SHC4: variants seen among roughly 807,000 people sequenced by gnomAD.
The protein encoded by SHC4 is SHC adaptor protein 4, also known as SHC-transforming protein 4.
In SHC4, 41 loss-of-function variants were observed where a neutral mutation model predicts 69.4. That is an observed-to-expected ratio of 0.59 (90% CI 0.46 to 0.77). The LOEUF is 0.77. SHC4 is among the 30% of genes least tolerant of loss of function. The pLI is 0.00. For missense variants in SHC4, 777 were observed against 783.8 expected (o/e 0.99, Z 0.10); for synonymous variants, 318 against 299.3 (o/e 1.06, Z -0.64).
In SHC4 at chr15:48,857,771, T is replaced by G; in HGVS notation, c.991A>C (p.Ile331Leu). 2 of 1,605,502 alleles carry G rather than the reference T, an allele frequency of 1.2e-6. No homozygotes were observed. Among genetic ancestry groups the G allele is most frequent in the Non-Finnish European group, 1.7e-6 (2 of 1,174,786 alleles). The change falls in exon 7 of 12, where the codon ATA becomes CTA. Residue 331 changes from isoleucine (I) to leucine (L), a missense_variant. By Grantham distance (5) the Ile-to-Leu change is conservative (BLOSUM62 2). Transcript: ENST00000332408. ...TCAAAAGCCTGCCCTATGGTACTTATGACGTCTTGGGCCATTCCATTGTGG... is the reference window on the plus strand; with the variant it reads ...TCAAAAGCCTGCCCTATGGTACTTAGGACGTCTTGGGCCATTCCATTGTGG... ...ECHNGMAQDV[I>L]STIGQAFELR... is the part of the protein sequence containing the mutation.
intron 6 of SHC4, among the ~76,000 whole-genome samples, chr15:48,864,447 T>C (rs796503400): frequency 3.6e-4 from 46 of 129,260 alleles, no homozygotes; most frequent in African/African-American, 9.6e-4. Context: ...TTTTTTTTTT[T>C]TTTTTTTTTT....
chr15:48,955,566 G>A (rs1332748850), intron 1 of SHC4, among the ~76,000 whole-genome samples: 1 of 152,100 alleles, frequency 6.6e-6, no homozygotes, highest in Admixed American at 6.5e-5. Context: ...ACAAGTCCTG[G>A]CCCAACATGG....
intron 4 of SHC4, chr15:48,878,598 C>T: frequency 6.2e-7 from 1 of 1,614,084 alleles, no homozygotes; most frequent in Non-Finnish European, 8.5e-7. Flanking sequence ...ACAAGAGAAC[C>T]AGCCCTGGAT....
At chr15:48,945,464 C>T (rs1901258975) in intron 1 of SHC4, among the ~76,000 whole-genome samples, 1 of 152,150 alleles carries the variant, frequency 6.6e-6, no homozygotes. Context: ...GTAGAGACAA[C>T]CCGAAGGTCC....
At position 48,834,794 on chromosome 15, in the gene SHC4, A is replaced by G. The variant is rs899269908; in HGVS notation, c.1712T>C (p.Leu571Pro). 6.2e-7 allele frequency: 1 copy of G among 1,614,034 alleles called. No homozygotes were observed. The highest frequency in any genetic ancestry group is 8.5e-7 in the Non-Finnish European group (1 of 1,180,012). Reference protein sequence around the residue: ...SGLQGGQAKHLLLVDPEGKVR... With the variant: ...SGLQGGQAKHPLLVDPEGKVR... ...CTTGCCTTCAGGATCCACCAGGAGAAGATGTTTTGCTTGGCCTCCCTGTAG... is the reference window on the plus strand; with the variant it reads ...CTTGCCTTCAGGATCCACCAGGAGAGGATGTTTTGCTTGGCCTCCCTGTAG... The change falls in exon 11 of 12, where the codon CTT becomes CCT. Residue 571 changes from leucine (L) to proline (P), a missense_variant. By Grantham distance (98) the Leu-to-Pro change is moderately conservative. Transcript: ENST00000332408.
intron 1 of SHC4, among the ~76,000 whole-genome samples, chr15:48,954,634 C>T (rs1901413728): frequency 6.6e-6 from 1 of 152,214 alleles, no homozygotes; most frequent in Non-Finnish European, 1.5e-5. Flanking sequence ...GGCAGGCAGG[C>T]CCTCCCTGGT....
intron 8 of SHC4, among the ~76,000 whole-genome samples, chr15:48,853,382 A>G (rs963141567): frequency 6.6e-6 from 1 of 152,254 alleles, no homozygotes; most frequent in African/African-American, 2.4e-5. Context: ...GGAAGAATCA[A>G]TATCATAAAA....
chr15:48,948,125 G>T (rs961830802), intron 1 of SHC4: 3 of 152,214 alleles, frequency 2.0e-5, no homozygotes, highest in African/African-American at 7.2e-5. Flanking sequence ...ATTCCTAGCT[G>T]TGTTTTTTAT....
intron 4 of SHC4, chr15:48,878,225 C>T (rs771216755): frequency 3.3e-5 from 53 of 1,604,656 alleles, no homozygotes; most frequent in Non-Finnish European, 4.0e-5. Flanking sequence ...GAGCAGTGAC[C>T]TGCAGATGGA....
Position 48,947,874 on chromosome 15 carries a change from A to G in SHC4, c.585+14557T>C, listed in dbSNP as rs577913162. The G allele has an allele frequency of 1.4e-4, 22 of 152,378 alleles. No homozygotes were observed. The South Asian group carries it at 4.6e-3, about 32-fold the overall frequency. The allele number at this position is 152,378 out of a possible 1,614,324, so 9.4% of individuals were successfully genotyped here. ...CTCTAGAAGATTGATGTTGTTATCAATAAAAACAAAAATCAAGGCATCTTC... is the reference window on the plus strand; with the variant it reads ...CTCTAGAAGATTGATGTTGTTATCAGTAAAAACAAAAATCAAGGCATCTTC... On this transcript the variant is annotated intron_variant, in intron 1 of 11. Transcript: ENST00000332408.
chr15:48,924,168 C>G (rs1162183839), intron 2 of SHC4, among the ~76,000 whole-genome samples: 2 of 152,168 alleles, frequency 1.3e-5, no homozygotes, highest in African/African-American at 4.8e-5. Context: ...GCACCACATC[C>G]AATGGATGCC....
At chr15:48,942,772 A>G (rs985762534) in intron 1 of SHC4, among the ~76,000 whole-genome samples, 6 of 152,202 alleles carry the variant, frequency 3.9e-5, no homozygotes, top group African/African-American at 1.4e-4. Context: ...GTTATAGCTA[A>G]TAAGAAGTGT....
intron 1 of SHC4, among the ~76,000 whole-genome samples, chr15:48,926,197 C>T (rs1900850420): frequency 6.6e-6 from 1 of 152,074 alleles, no homozygotes; most frequent in Admixed American, 6.6e-5. Context: ...CCAGGTGAGG[C>T]TGTGAGAGTC....
chr15:48,961,003 T>C (rs1399436095), intron 1 of SHC4, among the ~76,000 whole-genome samples: 1 of 152,200 alleles, frequency 6.6e-6, no homozygotes, highest in Non-Finnish European at 1.5e-5. Flanking sequence ...AGTTATATTA[T>C]GATTTGAAAT....
At chr15:48,852,139 T>C (rs1458411876) in intron 8 of SHC4, among the ~76,000 whole-genome samples, 2 of 152,152 alleles carry the variant, frequency 1.3e-5, no homozygotes, top group Admixed American at 6.5e-5. Flanking sequence ...TGTAGTGCAA[T>C]GTGGCATTAC....
intron 2 of SHC4, among the ~76,000 whole-genome samples, chr15:48,892,976 T>C (rs1159381375): frequency 2.0e-5 from 3 of 152,116 alleles, no homozygotes; most frequent in Non-Finnish European, 4.4e-5. Context: ...ATAACAATAA[T>C]TATATGCCAA....
chr15:48,962,649 G>A lies in SHC4; in HGVS notation c.367C>T (p.Arg123Trp), dbSNP rs200520669. 1.2e-6 allele frequency: 2 copies of A among 1,614,194 alleles called. No individual in the cohort carries two copies. Among genetic ancestry groups the A allele is most frequent in the East Asian group, 4.5e-5 (2 of 44,874 alleles). ...EVPRLKLQES[R>W]DPGSSGPSSP... ...GAGGGGCCGCTGGAACCTGGGTCCCGGCTTTCCTGGAGCTTCAGCCGAGGC... is the reference window on the plus strand; with the variant it reads ...GAGGGGCCGCTGGAACCTGGGTCCCAGCTTTCCTGGAGCTTCAGCCGAGGC... The change falls in exon 1 of 12, where the codon CGG becomes TGG. Residue 123 changes from arginine to tryptophan, a missense_variant. Coordinates refer to ENST00000332408, the MANE Select transcript of SHC4 (RefSeq NM_203349.4).
At chr15:48,827,452 A>T (rs11633918) in intron 11 of SHC4, among the ~76,000 whole-genome samples, 55,865 of 151,930 alleles carry the variant, frequency 0.37, 11,817 homozygotes, top group Middle Eastern at 0.49. Flanking sequence ...AAGGTTTTCA[A>T]CTCCTCCATC....
intron 4 of SHC4, 61 bp downstream of exon 4, chr15:48,884,187 A>T (rs1899992981): frequency 6.7e-7 from 1 of 1,496,966 alleles, no homozygotes; most frequent in Non-Finnish European, 8.9e-7. Context: ...TCTTTTCATT[A>T]TCCCCACGCT....
Sources: allele counts gnomAD v4.1 joint callset (sites outside exome capture counted in the v4.1 genomes callset), GRCh38; gene constraint gnomAD v4.1.1; transcripts MANE v1.5; gene names NCBI Gene and HGNC (gene_info 2026-07-23, HGNC 2026-07-21).